Variants in OMD observed in about 807,000 individuals in gnomAD.
The protein encoded by OMD is osteomodulin, also known as KSPG osteomodulin.
OMD carries 19 observed loss-of-function variants against 31.2 expected under a neutral mutation model. The ratio of observed to expected loss-of-function variants is 0.61; its 90% CI spans 0.42 to 0.89. The LOEUF (loss-of-function observed/expected upper bound fraction) is 0.89. Ranked by LOEUF, OMD falls within the 40% of genes least tolerant of loss-of-function variation. OMD has a pLI of 0.00. For synonymous variants in OMD, 155 were observed against 166.4 expected (o/e 0.93, Z 0.53); for missense variants, 448 against 490.8 (o/e 0.91, Z 0.82).
chr9:92,414,057 A>G lies in OMD; in HGVS notation c.*1095T>C, dbSNP rs987079959. Among the ~76,000 whole-genome samples the G allele has an allele frequency of 3.3e-5, 5 of 152,206 alleles. No homozygotes were observed. Among genetic ancestry groups the G allele is most frequent in the African/African-American group, 9.6e-5 (4 of 41,456 alleles). ...ATTCTATGAAACATTAGCATGGTAT[A>G]TCAAGAGAGTTCATCACAGCAGTTA... On this transcript the variant is annotated 3_prime_UTR_variant, in exon 3 of 3. Coordinates refer to ENST00000375550, the MANE Select transcript of OMD (RefSeq NM_005014.3).
intron 2 of OMD, among the ~76,000 whole-genome samples, chr9:92,415,981 T>TAC: frequency 6.9e-6 from 1 of 145,812 alleles, no homozygotes; most frequent in East Asian, 2.0e-4. Context: ...GTTATATATA[T>TAC]ATGTATAAAT....
At chr9:92,418,480 G>A (rs1843688573) in intron 1 of OMD, among the ~76,000 whole-genome samples, 1 of 151,870 alleles carries the variant, frequency 6.6e-6, no homozygotes, top group Non-Finnish European at 1.5e-5. Flanking sequence ...TCTTTTAAGA[G>A]TCCCAGTTTC....
intron 2 of OMD, among the ~76,000 whole-genome samples, chr9:92,416,048 A>G (rs1404338630): frequency 0.021 from 2,069 of 96,300 alleles, 30 homozygotes; most frequent in South Asian, 0.068. Context: ...TAAATATATT[A>G]TATATGTGTG....
intron 2 of OMD, 126 bp from the exon 3 acceptor site, chr9:92,415,603 A>G: frequency 4.7e-6 from 2 of 429,414 alleles, no homozygotes; most frequent in Non-Finnish European, 7.7e-6. Flanking sequence ...TATAAATTGA[A>G]TTAGGTTTCC....
Position 92,412,730 on chromosome 9 carries a change from A to G in OMD, c.*2422T>C, listed in dbSNP as rs1341709503. Among the ~76,000 whole-genome samples the G allele has an allele frequency of 6.6e-6, 1 of 152,198 alleles. No homozygotes were observed. Among genetic ancestry groups the G allele is most frequent in the African/African-American group, 2.4e-5 (1 of 41,450 alleles). The stretch of plus-strand genomic sequence containing the variant: ...CTGAATAATATTCCACTGTATGGAT[A>G]TATCACATTTTGTGTATCCATTGAT... On this transcript the variant is annotated 3_prime_UTR_variant, in exon 3 of 3. Transcript: ENST00000375550.
chr9:92,421,968 T>C (rs1843811991), intron 1 of OMD, among the ~76,000 whole-genome samples: 1 of 152,200 alleles, frequency 6.6e-6, no homozygotes, highest in Admixed American at 6.5e-5. Context: ...GGATATAGAA[T>C]ATTCTATACA....
chr9:92,421,369 T>A (rs1378502151), intron 1 of OMD, among the ~76,000 whole-genome samples: 1 of 152,182 alleles, frequency 6.6e-6, no homozygotes, highest in East Asian at 1.9e-4. Flanking sequence ...ACCTGAGGAA[T>A]TTGCACTCTG....
rs2130975679 is a variant in OMD, at chr9:92,424,262, G to A, written c.-77C>T. The A allele has an allele frequency of 6.6e-6, 1 of 152,288 alleles. No individual in the cohort carries two copies. Among genetic ancestry groups the A allele is most frequent in the African/African-American group, 2.4e-5 (1 of 41,576 alleles). The allele number at this position is 152,288 out of a possible 1,614,324, so 9.4% of individuals were successfully genotyped here. On this transcript the variant is annotated 5_prime_UTR_variant, in exon 1 of 3. Transcript: ENST00000375550. ...ATTTGTAAATCCTTTAAATGAATCA[G>A]AAATTCCTAAATTCTTTAACTGAGT...
rs1218916847 is a variant in OMD at position 92,413,236 on chromosome 9, C to T, written c.*1916G>A. ...TCCCGACCCCAGGTGATCCACCTAA[C>T]TCGGCCTTCCAAAGTGCTGGGATTA... On this transcript the variant is annotated 3_prime_UTR_variant, in exon 3 of 3. Coordinates refer to ENST00000375550, the MANE Select transcript of OMD (RefSeq NM_005014.3). 6.6e-6 allele frequency among the ~76,000 whole-genome samples: 1 copy of T among 152,114 alleles called. No homozygotes were observed. The highest frequency in any genetic ancestry group is 2.1e-4 in the South Asian group (1 of 4,832).
At chr9:92,420,158 T>C (rs1462071606) in intron 1 of OMD, among the ~76,000 whole-genome samples, 1 of 152,146 alleles carries the variant, frequency 6.6e-6, no homozygotes, top group Non-Finnish European at 1.5e-5. Context: ...CTTCATACTC[T>C]TCATTTTGAG....
At position 92,417,342 on chromosome 9, in the gene OMD, G is replaced by T. The variant is rs1361897696; in HGVS notation, c.217C>A (p.Pro73Thr). The T allele has an allele frequency of 6.2e-7, 1 of 1,614,020 alleles. No individual in the cohort carries two copies. Among genetic ancestry groups the T allele is most frequent in the East Asian group, 2.2e-5 (1 of 44,852 alleles). The change falls in exon 2 of 3, where the codon CCA becomes ACA. Residue 73 changes from proline (P) to threonine (T), a missense_variant. By Grantham distance (38) the Pro-to-Thr change is conservative. Coordinates refer to ENST00000375550, the MANE Select transcript of OMD (RefSeq NM_005014.3). ...CGATTATCACAGTACATTGATGATG[G>T]AAAGTTAGTTGGACAGAAGCATTCA... is the stretch of plus-strand genomic sequence containing the variant. ...VSECFCPTNF[P>T]SSMYCDNRKL...
rs1170013600 is a variant in OMD at position 92,415,286 on chromosome 9, G to A, written c.1132C>T (p.Gln378Ter). ...TNGQTIQLKT[Q>*]VFRRFPDDDD... ...TCATCTGGAAATCTCCTGAAAACTT[G>A]TGTCTTTAGTTGTATTGTTTGACCA... Residue 378 changes from glutamine (Q) to a stop codon, truncating the protein, a stop_gained, in exon 3 of 3, where the codon CAA (glutamine) becomes TAA (stop). Coordinates refer to ENST00000375550, the MANE Select transcript of OMD (RefSeq NM_005014.3). LOFTEE classifies it high-confidence loss of function. 1 of 1,613,650 alleles carries A rather than the reference G, an allele frequency of 6.2e-7. No homozygotes were observed. Among genetic ancestry groups the A allele is most frequent in the Non-Finnish European group, 8.5e-7 (1 of 1,179,798 alleles).
chr9:92,419,228 A>G (rs1843710599), intron 1 of OMD, among the ~76,000 whole-genome samples: 1 of 151,604 alleles, frequency 6.6e-6, no homozygotes, highest in Non-Finnish European at 1.5e-5. Flanking sequence ...CTCTTGCCTC[A>G]TCAATAAAAT....
Position 92,416,842 on chromosome 9 carries a change from A to C in OMD, c.717T>G (p.Ser239=), listed in dbSNP as rs755372338. ...TAGAAGAAATTGAATTATTTTCTAA[A>C]GACAGATACATAAGTGAAGAAGGCA... The part of the protein sequence containing the change: ...PGLPSSLMYL[S]LENNSISSIP... The change falls in exon 2 of 3, where the codon TCT becomes TCG. Residue 239 remains serine, a synonymous_variant. Transcript: ENST00000375550. 2.5e-6 allele frequency: 4 copies of C among 1,613,794 alleles called. No individual in the cohort carries two copies. The Admixed American group carries it at 5.0e-5, about 20-fold the overall frequency.
chr9:92,417,723 T>C, intron 1 of OMD, 149 bp from the exon 2 acceptor site: 1 of 505,886 alleles, frequency 2.0e-6, no homozygotes, highest in South Asian at 4.2e-5. Context: ...CAAACCAAAA[T>C]TTTTTTCTTT....
intron 2 of OMD, among the ~76,000 whole-genome samples, chr9:92,415,996 A>AT (rs1843583842): frequency 1.4e-5 from 2 of 145,494 alleles, no homozygotes; most frequent in Non-Finnish European, 3.0e-5. Flanking sequence ...ATAAATTATC[A>AT]GTTATATATA....
intron 2 of OMD, among the ~76,000 whole-genome samples, chr9:92,416,346 C>G (rs926041779): frequency 1.3e-5 from 2 of 151,802 alleles, no homozygotes; most frequent in African/African-American, 4.8e-5. Context: ...GTGATCCACC[C>G]CACCCGCCTT....
In OMD at chr9:92,413,389, C is replaced by G. The variant is rs144843654; in HGVS notation, c.*1763G>C. Among the ~76,000 whole-genome samples, 27 of 152,282 alleles carry G rather than the reference C, an allele frequency of 1.8e-4. No homozygotes were observed. In the East Asian group the frequency reaches 5.0e-3, roughly 28 times the overall value. On this transcript the variant is annotated 3_prime_UTR_variant, in exon 3 of 3. Coordinates refer to ENST00000375550, the MANE Select transcript of OMD (RefSeq NM_005014.3). ...TATGAAGGCTCCAATTTTTCCACAT[C>G]TTGCCAACACTTGTTATTTGTCTGC...
chr9:92,420,317 T>C (rs1410914900), intron 1 of OMD, among the ~76,000 whole-genome samples: 1 of 152,230 alleles, frequency 6.6e-6, no homozygotes, highest in African/African-American at 2.4e-5. Flanking sequence ...CTTACCAACT[T>C]AGACCCCATA....
Sources: allele counts gnomAD v4.1 joint callset (sites outside exome capture counted in the v4.1 genomes callset), GRCh38; gene constraint gnomAD v4.1.1; transcripts MANE v1.5; gene names NCBI Gene and HGNC (gene_info 2026-07-23, HGNC 2026-07-21).